Variants in ATP9A observed in about 807,000 individuals in gnomAD.
ATP9A encodes probable phospholipid-transporting ATPase IIA.
Under a neutral mutation model 144.1 loss-of-function variants are expected in ATP9A, and 52 were observed. The ratio of observed to expected loss-of-function variants is 0.36; its 90% CI spans 0.29 to 0.45. The LOEUF is 0.45. Ranked by LOEUF, ATP9A falls within the 20% of genes least tolerant of loss-of-function variation. ATP9A has a pLI of 1.00. For missense variants in ATP9A, 947 were observed against 1,392.7 expected (o/e 0.68, Z 5.09); for synonymous variants, 582 against 557.4 (o/e 1.04, Z -0.62).
At position 51,625,220 on chromosome 20, in the gene ATP9A, A is replaced by T. The variant is rs770466327; in HGVS notation, c.1988T>A (p.Leu663Gln). The T allele has an allele frequency of 1.2e-6, 2 of 1,613,666 alleles. No individual in the cohort carries two copies. Among genetic ancestry groups the T allele is most frequent in the South Asian group, 2.2e-5 (2 of 91,068 alleles). ...GATGCCAGCATTCCTCAGGGTCTCC[A>T]GCGTGGGCCGCACATCTGCCTGCAG... The part of the protein sequence containing the change: ...DQLQADVRPT[L>Q]ETLRNAGIKV... The change falls in exon 18 of 28, where the codon CTG becomes CAG. Residue 663 changes from leucine to glutamine, a missense_variant. Leu to Gln is a moderately radical substitution (Grantham distance 113). Transcript: ENST00000338821.
intron 15 of ATP9A, among the ~76,000 whole-genome samples, chr20:51,637,185 G>A (rs754299423): frequency 1.1e-4 from 16 of 151,772 alleles, no homozygotes; most frequent in Admixed American, 4.6e-4. Flanking sequence ...TCCCAGAGCT[G>A]CCCATGGCAC....
chr20:51,687,357 A>G (rs1014585974), intron 9 of ATP9A, among the ~76,000 whole-genome samples: 17 of 152,200 alleles, frequency 1.1e-4, no homozygotes, highest in African/African-American at 4.1e-4. Flanking sequence ...GCCTATTTGT[A>G]TTAAGTAGTG....
chr20:51,671,002 T>C, intron 12 of ATP9A, 113 bp downstream of exon 12: 4 of 1,171,928 alleles, frequency 3.4e-6, no homozygotes, highest in East Asian at 2.4e-5. Context: ...GGGAATAAAA[T>C]AGCAGCAACA....
At chr20:51,657,454 A>G (rs2077392085) in intron 13 of ATP9A, among the ~76,000 whole-genome samples, 1 of 152,066 alleles carries the variant, frequency 6.6e-6, no homozygotes, top group African/African-American at 2.4e-5. Context: ...CTTTTGACAG[A>G]ATGAGGACCC....
At chr20:51,750,684 T>G (rs2077827651) in intron 1 of ATP9A, among the ~76,000 whole-genome samples, 1 of 152,140 alleles carries the variant, frequency 6.6e-6, no homozygotes, top group Admixed American at 6.5e-5. Context: ...ACACTGCACC[T>G]CAGAGGGTCT....
Position 51,696,231 on chromosome 20 carries a change from C to G in ATP9A, c.496-87G>C. The G allele has an allele frequency of 3.2e-6, 4 of 1,251,782 alleles. 1 individual carries two copies. In the South Asian group the frequency reaches 5.0e-5, roughly 16 times the overall value. 77.5% of individuals were successfully genotyped at this position (1,251,782 alleles called of 1,614,324 possible). A position where few individuals can be genotyped will look rare whatever the true frequency, so the allele number is the denominator to read the frequency against. ...GGGGGGCTTCCGCCCCCACCCCCAA[C>G]CCCTCGGTGGGTTGGGGCAGGGGGG... On this transcript the variant is annotated intron_variant, in intron 5 of 27. Coordinates refer to ENST00000338821, the MANE Select transcript of ATP9A (RefSeq NM_006045.3).
intron 3 of ATP9A, among the ~76,000 whole-genome samples, chr20:51,714,883 C>A (rs2077655543): frequency 6.6e-6 from 1 of 152,204 alleles, no homozygotes; most frequent in South Asian, 2.1e-4. Context: ...GAGTTGGGAA[C>A]CCCAACTCAT....
rs556272458 is a variant in ATP9A, at chr20:51,755,934, G to A, written c.68+12368C>T. Among the ~76,000 whole-genome samples, 185 of 150,952 alleles carry A rather than the reference G, an allele frequency of 1.2e-3. 1 individual carries two copies. Among genetic ancestry groups the A allele is most frequent in the African/African-American group, 4.4e-3 (182 of 41,232 alleles). ...CGTGCCACTGAACTCCAGCCTGGGC[G>A]ACAGAGCGAGACTCCATCTCAAAGA... On this transcript the variant is annotated intron_variant, in intron 1 of 27. Coordinates refer to ENST00000338821, the MANE Select transcript of ATP9A (RefSeq NM_006045.3).
At position 51,695,127 on chromosome 20, in the gene ATP9A, C is replaced by T. The variant is rs369981323; in HGVS notation, c.547+966G>A. The stretch of plus-strand genomic sequence containing the variant: ...ATTTTTCATGTATTCAAAAAACCTC[C>T]GATCATGCCAGATAAGGGAAAAACA... On this transcript the variant is annotated intron_variant, in intron 6 of 27. Coordinates refer to ENST00000338821, the MANE Select transcript of ATP9A (RefSeq NM_006045.3). Among the ~76,000 whole-genome samples the T allele has an allele frequency of 2.9e-3, 441 of 152,022 alleles. 1 individual carries two copies. The highest frequency in any genetic ancestry group is 9.1e-3 in the African/African-American group (379 of 41,422).
At chr20:51,610,281 T>C in intron 23 of ATP9A, 116 bp from the exon 24 acceptor site, 1 of 744,026 alleles carries the variant, frequency 1.3e-6, no homozygotes, top group Non-Finnish European at 2.3e-6. Context: ...TGCTGTAAGG[T>C]ACTTTACATG....
At chr20:51,763,583 G>A (rs1448766462) in intron 1 of ATP9A, among the ~76,000 whole-genome samples, 2 of 152,116 alleles carry the variant, frequency 1.3e-5, no homozygotes, top group Non-Finnish European at 2.9e-5. Context: ...AAAGTGCTGG[G>A]ATTACAGGAA....
chr20:51,743,701 C>G (rs1488857520), intron 1 of ATP9A, among the ~76,000 whole-genome samples: 15 of 136,454 alleles, frequency 1.1e-4, no homozygotes, highest in African/African-American at 4.0e-4. Flanking sequence ...CCGTGCCCAG[C>G]CCAAATCCTT....
intron 26 of ATP9A, among the ~76,000 whole-genome samples, chr20:51,606,044 C>T (rs965455299): frequency 2.0e-5 from 3 of 151,868 alleles, no homozygotes; most frequent in African/African-American, 4.8e-5. Context: ...CCAAGGTGGG[C>T]GGATCACAAG....
rs1474801551 is a variant in ATP9A, at chr20:51,617,679, C to A, written c.2351-125G>T. 5 of 1,010,502 alleles carry A rather than the reference C, an allele frequency of 4.9e-6. No individual in the cohort carries two copies. In the East Asian group the frequency reaches 7.8e-5, roughly 16 times the overall value. The allele number at this position is 1,010,502 out of a possible 1,614,324, so 62.6% of individuals were successfully genotyped here. The stretch of plus-strand genomic sequence containing the variant: ...TGCTGAGTGCCTGGCCTGCCCCGTC[C>A]ATTCCATCTCTCCAACCCCTTGACT... On this transcript the variant is annotated intron_variant, in intron 21 of 27. Transcript: ENST00000338821.
chr20:51,623,827 GAA>G (rs941329095), intron 18 of ATP9A, among the ~76,000 whole-genome samples: 2 of 143,092 alleles, frequency 1.4e-5, no homozygotes, highest in Non-Finnish European at 3.1e-5. Context: ...GAAAAGAAAA[GAA>G]AATTTCCTGT....
intron 18 of ATP9A, among the ~76,000 whole-genome samples, chr20:51,624,744 C>T (rs2077240822): frequency 6.6e-6 from 1 of 152,140 alleles, no homozygotes; most frequent in Non-Finnish European, 1.5e-5. Context: ...CAGTGGCTCA[C>T]ACCTGTAATC....
chr20:51,625,474 G>C, intron 17 of ATP9A, 112 bp from the exon 18 acceptor site: 1 of 1,256,248 alleles, frequency 8.0e-7, no homozygotes, highest in Non-Finnish European at 1.1e-6. Context: ...CGGGGTGGGG[G>C]ACCCCAGCAG....
rs772516336 is a variant in ATP9A, at chr20:51,618,820, G to A, written c.2206-14C>T. ...CTTGAGGCAAACCTGCAGGGTGGAGGGAGAGGTGGTGCGTTGGTGGAGGGA... is the reference window on the plus strand; with the variant it reads ...CTTGAGGCAAACCTGCAGGGTGGAGAGAGAGGTGGTGCGTTGGTGGAGGGA... On this transcript the variant is annotated splice_polypyrimidine_tract_variant and intron_variant, in intron 20 of 27. Transcript: ENST00000338821. The A allele has an allele frequency of 2.5e-6, 4 of 1,581,344 alleles. No homozygotes were observed. The highest frequency in any genetic ancestry group is 3.5e-5 in the Admixed American group (2 of 57,676).
At chr20:51,688,893 T>C (rs1404478033) in intron 9 of ATP9A, among the ~76,000 whole-genome samples, 171 bp downstream of exon 9, 1 of 152,184 alleles carries the variant, frequency 6.6e-6, no homozygotes, top group African/African-American at 2.4e-5. Flanking sequence ...CATCTCTAAG[T>C]GTCCGAGCTG....
Sources: allele counts gnomAD v4.1 joint callset (sites outside exome capture counted in the v4.1 genomes callset), GRCh38; gene constraint gnomAD v4.1.1; transcripts MANE v1.5; gene names NCBI Gene and HGNC (gene_info 2026-07-23, HGNC 2026-07-21).